ACAD11: variants seen among roughly 807,000 people sequenced by gnomAD.
ACAD11 encodes acyl-Coenzyme A dehydrogenase family, member 11.
A neutral mutation model predicts 102.2 loss-of-function variants in ACAD11; 83 were observed. The observed-to-expected ratio is 0.81, with a 90% CI of 0.68 to 0.97. The LOEUF is 0.97. Among genes scored for constraint, ACAD11 ranks in the 50% least tolerant of loss-of-function variants. The pLI is 0.00. For missense variants in ACAD11, 901 were observed against 951.7 expected (o/e 0.95, Z 0.70); for synonymous variants, 324 against 319.8 (o/e 1.01, Z -0.14).
At chr3:132,607,109 C>T (rs1423947563) in intron 11 of ACAD11, among the ~76,000 whole-genome samples, 1 of 152,150 alleles carries the variant, frequency 6.6e-6, no homozygotes, top group African/African-American at 2.4e-5. Flanking sequence ...CACAAAAACT[C>T]CATCTGAAGG....
At chr3:132,659,566 AT>A in intron 1 of ACAD11, 36 bp downstream of exon 1, 2 of 1,607,612 alleles carry the variant, frequency 1.2e-6, no homozygotes, top group Non-Finnish European at 8.5e-7. Context: ...CAATGTACAA[AT>A]TTTTTTCCGC....
intron 12 of ACAD11, among the ~76,000 whole-genome samples, chr3:132,604,269 A>G (rs1938745861): frequency 6.6e-6 from 1 of 152,164 alleles, no homozygotes; most frequent in South Asian, 2.1e-4. Context: ...TAATTGTTCT[A>G]TTTTATTATT....
At chr3:132,606,398 A>G (rs1383079776) in intron 11 of ACAD11, among the ~76,000 whole-genome samples, 1 of 152,206 alleles carries the variant, frequency 6.6e-6, no homozygotes, top group Non-Finnish European at 1.5e-5. Flanking sequence ...CCTGTTTTAA[A>G]TTCACTGTTA....
chr3:132,652,129 A>G (rs2107901695), intron 1 of ACAD11, among the ~76,000 whole-genome samples: 1 of 152,278 alleles, frequency 6.6e-6, no homozygotes, highest in South Asian at 2.1e-4. Flanking sequence ...ATTCCCATGT[A>G]TCATGGGTGA....
chr3:132,626,737 A>C lies in ACAD11; in HGVS notation c.1151T>G (p.Ile384Ser), dbSNP rs756685946. 19 of 1,613,890 alleles carry C rather than the reference A, an allele frequency of 1.2e-5. No individual in the cohort carries two copies. In the Middle Eastern group the frequency reaches 5.0e-4, roughly 42 times the overall value. ...VQTRKGQEVLIKVKHFMKQHI... is the reference protein window; with the variant it reads ...VQTRKGQEVLSKVKHFMKQHI... ...TTGTTTCATGAAATGCTTCACCTTA[A>C]TAAGAACTTCCTGACCTTTCCGAGT... Residue 384 changes from isoleucine (I) to serine (S), a missense_variant, in exon 9 of 20, where the codon ATT becomes AGT. By Grantham distance (142) the Ile-to-Ser change is moderately radical (BLOSUM62 -2). Transcript: ENST00000264990.
chr3:132,594,323 A>C (rs1192397243), intron 13 of ACAD11, among the ~76,000 whole-genome samples: 1 of 152,208 alleles, frequency 6.6e-6, no homozygotes, highest in Non-Finnish European at 1.5e-5. Context: ...GATACTTTTG[A>C]ATCTATAAAA....
intron 13 of ACAD11, chr3:132,601,014 G>A: frequency 5.0e-6 from 8 of 1,613,740 alleles, no homozygotes; most frequent in Non-Finnish European, 5.9e-6. Context: ...CTAGAGATCT[G>A]CATTGGATTT....
chr3:132,642,886 A>G, intron 2 of ACAD11, 84 bp from the exon 3 acceptor site: 1 of 1,405,322 alleles, frequency 7.1e-7, no homozygotes, highest in Non-Finnish European at 9.8e-7. Context: ...AGCTAATCTT[A>G]AGGCTAGAAA....
chr3:132,649,370 C>A (rs1222719296), intron 1 of ACAD11, among the ~76,000 whole-genome samples: 1 of 152,202 alleles, frequency 6.6e-6, no homozygotes, highest in Non-Finnish European at 1.5e-5. Flanking sequence ...AGAAAAGCCA[C>A]CCTGTGGTGG....
intron 13 of ACAD11, among the ~76,000 whole-genome samples, chr3:132,593,366 A>T (rs570589307): frequency 5.8e-4 from 88 of 152,338 alleles, no homozygotes; most frequent in African/African-American, 2.1e-3. Context: ...AGAGATTTTT[A>T]AAATTGCTTA....
intron 1 of ACAD11, among the ~76,000 whole-genome samples, chr3:132,657,727 T>C (rs1399925636): frequency 6.6e-6 from 1 of 152,210 alleles, no homozygotes; most frequent in African/African-American, 2.4e-5. Flanking sequence ...ATGCAGTTGA[T>C]TTCTGTACAC....
chr3:132,603,285 C>T lies in ACAD11; in HGVS notation c.1565G>A (p.Ser522Asn). 1 of 1,614,034 alleles carries T rather than the reference C, an allele frequency of 6.2e-7. No homozygotes were observed. Among genetic ancestry groups the T allele is most frequent in the East Asian group, 2.2e-5 (1 of 44,874 alleles). Residue 522 changes from serine (S) to asparagine (N), a missense_variant, in exon 13 of 20, where the codon AGC (serine) becomes AAC (asparagine). Transcript: ENST00000264990. Reference sequence around the variant, plus strand: ...ATAGCTATCTTCATCTCGTTGGATGCTGCATTCAATATTCGTGGCATCACT... The same window carrying T: ...ATAGCTATCTTCATCTCGTTGGATGTTGCATTCAATATTCGTGGCATCACT... The part of the protein sequence containing the change: ...ASSDATNIEC[S>N]IQRDEDSYVI...
chr3:132,590,629 G>A (rs1248756757), intron 13 of ACAD11, among the ~76,000 whole-genome samples: 1 of 152,114 alleles, frequency 6.6e-6, no homozygotes, highest in Non-Finnish European at 1.5e-5. Flanking sequence ...CACCAACAGT[G>A]TATTAAGTGT....
chr3:132,630,706 A>AGATTATTATATACAAAG (rs1419430062), intron 6 of ACAD11, 148 bp from the exon 7 acceptor site: 1 of 670,674 alleles, frequency 1.5e-6, no homozygotes, highest in Non-Finnish European at 2.4e-6. Context: ...GATTTCCAAA[A>AGATTATTATATACAAAG]GATTATTATA....
intron 13 of ACAD11, among the ~76,000 whole-genome samples, chr3:132,593,708 C>T (rs1322366734): frequency 6.6e-6 from 1 of 152,066 alleles, no homozygotes; most frequent in Non-Finnish European, 1.5e-5. Flanking sequence ...AGTTGGAGGC[C>T]AGGCTGGGCA....
chr3:132,607,959 C>G (rs1020058197), intron 11 of ACAD11, among the ~76,000 whole-genome samples: 1 of 152,098 alleles, frequency 6.6e-6, no homozygotes, highest in Non-Finnish European at 1.5e-5. Context: ...AGAGTGGGGG[C>G]CAATATTCAA....
intron 13 of ACAD11, among the ~76,000 whole-genome samples, chr3:132,579,886 T>C (rs1349991852): frequency 2.6e-5 from 4 of 152,156 alleles, no homozygotes; most frequent in Non-Finnish European, 5.9e-5. Flanking sequence ...ATATGTCTAA[T>C]ATAATATTTT....
chr3:132,599,810 G>A (rs1306730270), intron 13 of ACAD11, among the ~76,000 whole-genome samples: 1 of 152,016 alleles, frequency 6.6e-6, no homozygotes, highest in African/African-American at 2.4e-5. Context: ...TTGGCTAAAG[G>A]AGATCTTGTT....
At chr3:132,559,182 A>G (rs1026923138) in intron 19 of ACAD11, 97 bp from the exon 20 acceptor site, 2 of 839,156 alleles carry the variant, frequency 2.4e-6, no homozygotes, top group Non-Finnish European at 1.9e-6. Context: ...AGACTATATT[A>G]ATTCTTAAAT....
Sources: gnomAD v4.1 joint callset for allele counts (sites outside exome capture counted in the v4.1 genomes callset) on GRCh38, gnomAD v4.1.1 for gene constraint, MANE v1.5 for transcripts, NCBI Gene and HGNC (gene_info 2026-07-23, HGNC 2026-07-21) for gene names.